HCN1: variants seen among roughly 807,000 people sequenced by gnomAD.
HCN1 encodes the protein hyperpolarization activated cyclic nucleotide gated potassium channel 1.
HCN1 carries 13 observed loss-of-function variants against 78.9 expected under a neutral mutation model. That is an observed-to-expected ratio of 0.16 (90% CI 0.11 to 0.26). HCN1 has a LOEUF of 0.26. Ranked by LOEUF, HCN1 falls within the 10% of genes least tolerant of loss-of-function variation. The probability of loss-of-function intolerance (pLI) is 1.00; values close to 1 mark genes in which losing one functional copy is unlikely to be tolerated. For synonymous variants in HCN1, 552 were observed against 455.5 expected (o/e 1.21, Z -2.70); for missense variants, 810 against 1,154.3 (o/e 0.70, Z 4.32).
chr5:45,656,919 T>A (rs1264433781), intron 1 of HCN1, among the ~76,000 whole-genome samples: 2 of 152,062 alleles, frequency 1.3e-5, no homozygotes, highest in African/African-American at 2.4e-5. Context: ...GCCATTTCTA[T>A]CTAGTATATG....
At chr5:45,511,026 G>A (rs1000024275) in intron 2 of HCN1, among the ~76,000 whole-genome samples, 3 of 150,158 alleles carry the variant, frequency 2.0e-5, no homozygotes, top group African/African-American at 7.6e-5. Context: ...GATGTAAGCA[G>A]TTACTTAGGT....
chr5:45,464,923 C>T (rs113818028), intron 2 of HCN1, among the ~76,000 whole-genome samples: 1 of 152,208 alleles, frequency 6.6e-6, no homozygotes, highest in Middle Eastern at 3.4e-3. Context: ...TTATGCACAG[C>T]CACAACTTAT....
intron 1 of HCN1, among the ~76,000 whole-genome samples, chr5:45,651,883 T>G (rs1375837402): frequency 1.3e-5 from 2 of 151,920 alleles, no homozygotes; most frequent in Non-Finnish European, 2.9e-5. Context: ...ATAGGCAATT[T>G]GGAGTGGAAA....
intron 6 of HCN1, among the ~76,000 whole-genome samples, chr5:45,300,456 T>A (rs745445111): frequency 6.6e-6 from 1 of 152,106 alleles, no homozygotes; most frequent in Admixed American, 6.6e-5. Context: ...CCATTTATTA[T>A]GATGATCTAT....
intron 3 of HCN1, among the ~76,000 whole-genome samples, chr5:45,420,777 T>C (rs1740210630): frequency 6.6e-6 from 1 of 152,162 alleles, no homozygotes; most frequent in African/African-American, 2.4e-5. Context: ...TGTACTTAAA[T>C]GTCACAATAA....
At chr5:45,371,730 C>A (rs1480225934) in intron 4 of HCN1, among the ~76,000 whole-genome samples, 1 of 146,496 alleles carries the variant, frequency 6.8e-6, no homozygotes, top group African/African-American at 2.5e-5. Flanking sequence ...TCACTCCAGC[C>A]TGGGTGACAG....
rs141249030 is a variant in HCN1 at position 45,466,281 on chromosome 5, T to G, written c.850-4274A>C. 1.6e-4 allele frequency among the ~76,000 whole-genome samples: 24 copies of G among 152,328 alleles called. No individual in the cohort carries two copies. In the East Asian group the frequency reaches 3.5e-3, roughly 22 times the overall value. On this transcript the variant is annotated intron_variant, in intron 2 of 7. Transcript: ENST00000303230. ...TAAAACGAATGACCTTAATCTATGC[T>G]TAATTATTTGTTCTATTTTGTCTTC... is the stretch of plus-strand genomic sequence containing the variant.
At chr5:45,687,076 C>T (rs1739823257) in intron 1 of HCN1, among the ~76,000 whole-genome samples, 2 of 152,176 alleles carry the variant, frequency 1.3e-5, no homozygotes, top group Non-Finnish European at 2.9e-5. Context: ...ATGGAGATTA[C>T]TTTCTCTCAG....
chr5:45,524,787 G>A (rs376186382), intron 2 of HCN1, among the ~76,000 whole-genome samples: 10 of 152,066 alleles, frequency 6.6e-5, no homozygotes, highest in Admixed American at 6.6e-5. Flanking sequence ...TAGATATACA[G>A]TCATGTCATC....
At chr5:45,356,594 T>G (rs904941773) in intron 4 of HCN1, among the ~76,000 whole-genome samples, 2 of 152,010 alleles carry the variant, frequency 1.3e-5, no homozygotes, top group African/African-American at 4.8e-5. Context: ...AAATGGTGTT[T>G]TGCCACTTAC....
intron 6 of HCN1, among the ~76,000 whole-genome samples, chr5:45,274,572 T>G (rs1240584206): frequency 6.6e-6 from 1 of 152,212 alleles, no homozygotes; most frequent in Non-Finnish European, 1.5e-5. Context: ...ATTAATTTCC[T>G]TCCTTTTTCC....
chr5:45,367,336 T>A (rs1022668736), intron 4 of HCN1, among the ~76,000 whole-genome samples: 7 of 151,702 alleles, frequency 4.6e-5, no homozygotes, highest in Admixed American at 4.0e-4. Context: ...TTCAAAAGAA[T>A]TACACACATA....
chr5:45,493,947 T>G (rs575639568), intron 2 of HCN1, among the ~76,000 whole-genome samples: 1 of 152,332 alleles, frequency 6.6e-6, no homozygotes, highest in East Asian at 1.9e-4. Context: ...TTTTTATGGC[T>G]GCGTAGTATT....
At chr5:45,693,369 T>C (rs1453788159) in intron 1 of HCN1, among the ~76,000 whole-genome samples, 1 of 152,160 alleles carries the variant, frequency 6.6e-6, no homozygotes, top group African/African-American at 2.4e-5. Context: ...TTAAAATCTA[T>C]TTTTTCAGAT....
chr5:45,589,844 G>A (rs1267302473), intron 2 of HCN1, among the ~76,000 whole-genome samples: 1 of 152,130 alleles, frequency 6.6e-6, no homozygotes, highest in East Asian at 1.9e-4. Flanking sequence ...GTGACAGTTA[G>A]ACAAGTTGTC....
intron 3 of HCN1, among the ~76,000 whole-genome samples, chr5:45,425,101 A>G (rs1204697745): frequency 6.6e-6 from 1 of 152,190 alleles, no homozygotes; most frequent in Non-Finnish European, 1.5e-5. Flanking sequence ...ACAGCAAGGG[A>G]TAAGTGGTGG....
intron 5 of HCN1, among the ~76,000 whole-genome samples, chr5:45,346,883 C>T (rs548983683): frequency 2.6e-5 from 4 of 152,314 alleles, no homozygotes; most frequent in Admixed American, 6.5e-5. Context: ...GGGTGGAGCC[C>T]ACCACAGCTC....
At chr5:45,371,766 A>T (rs142661959) in intron 4 of HCN1, among the ~76,000 whole-genome samples, 14,933 of 140,718 alleles carry the variant, frequency 0.11, 1,849 homozygotes, top group African/African-American at 0.29. Context: ...CAAAAAAAAA[A>T]ATATATATAT....
chr5:45,261,851 A>G lies in HCN1; in HGVS notation c.*70T>C. ...GCTAGAGGGATCTATCAGGAGATAG[A>G]ATAAAATAAGATCTGAGTATAGTCT... On this transcript the variant is annotated 3_prime_UTR_variant, in exon 8 of 8. Coordinates refer to ENST00000303230, the MANE Select transcript of HCN1 (RefSeq NM_021072.4). The G allele has an allele frequency of 6.3e-7, 1 of 1,590,368 alleles. No individual in the cohort carries two copies. Among genetic ancestry groups the G allele is most frequent in the Non-Finnish European group, 8.6e-7 (1 of 1,161,698 alleles).
Sources: gnomAD v4.1 joint callset for allele counts (sites outside exome capture counted in the v4.1 genomes callset) on GRCh38, gnomAD v4.1.1 for gene constraint, MANE v1.5 for transcripts, NCBI Gene and HGNC (gene_info 2026-07-23, HGNC 2026-07-21) for gene names.